Variants in DSCAM observed in about 807,000 individuals in gnomAD.
DSCAM encodes cell adhesion molecule DSCAM.
Under a neutral mutation model 217.7 loss-of-function variants are expected in DSCAM, and 47 were observed. The observed-to-expected ratio is 0.22, with a 90% CI of 0.17 to 0.28. DSCAM has a LOEUF of 0.28. Ranked by LOEUF, DSCAM falls within the 10% of genes least tolerant of loss-of-function variation. The pLI is 1.00. For synonymous variants in DSCAM, 1,056 were observed against 1,015.3 expected (o/e 1.04, Z -0.76); for missense variants, 2,080 against 2,618.3 (o/e 0.79, Z 4.49).
In DSCAM at chr21:40,124,272, C is replaced by T; in HGVS notation, c.3619G>A (p.Val1207Met). ...AAAASASMVF[V>M]SWLPPLKLNG... ...AGCTTGAGAGGGGGAAGCCAGGACA[C>T]AAAGACCATGGAGGCTGAGGCCGCC... Residue 1207 changes from valine (V) to methionine (M), a missense_variant, in exon 20 of 33, where the codon GTG becomes ATG. Transcript: ENST00000400454. The T allele has an allele frequency of 6.2e-7, 1 of 1,613,990 alleles. No homozygotes were observed. The highest frequency in any genetic ancestry group is 2.2e-5 in the East Asian group (1 of 44,794).
At chr21:40,239,523 G>C (rs1342107976) in intron 11 of DSCAM, among the ~76,000 whole-genome samples, 1 of 152,226 alleles carries the variant, frequency 6.6e-6, no homozygotes, top group Non-Finnish European at 1.5e-5. Flanking sequence ...TTTTATAAGA[G>C]AGGAAATAAA....
chr21:40,250,915 C>A (rs1002125508), intron 11 of DSCAM, among the ~76,000 whole-genome samples: 1 of 152,204 alleles, frequency 6.6e-6, no homozygotes, highest in African/African-American at 2.4e-5. Flanking sequence ...TCCTTCTTGG[C>A]GTCTTTCCCT....
At chr21:40,080,380 G>T (rs1163564561) in intron 24 of DSCAM, 40 bp from the exon 25 acceptor site, 4 of 1,489,788 alleles carry the variant, frequency 2.7e-6, no homozygotes, top group African/African-American at 2.8e-5. Flanking sequence ...CACTGTGTTT[G>T]CTTTCTATGG....
intron 1 of DSCAM, among the ~76,000 whole-genome samples, chr21:40,758,966 G>C (rs921554628): frequency 6.6e-6 from 1 of 152,116 alleles, no homozygotes; most frequent in South Asian, 2.1e-4. Flanking sequence ...CTTGTTAATA[G>C]ATCATCATAA....
intron 1 of DSCAM, among the ~76,000 whole-genome samples, chr21:40,811,256 C>A (rs755433271): frequency 2.0e-5 from 3 of 152,154 alleles, no homozygotes; most frequent in South Asian, 2.1e-4. Context: ...TACAAACAGA[C>A]TTTTCGAGGG....
At chr21:40,255,858 C>G (rs927343899) in intron 11 of DSCAM, among the ~76,000 whole-genome samples, 1 of 152,176 alleles carries the variant, frequency 6.6e-6, no homozygotes, top group African/African-American at 2.4e-5. Flanking sequence ...ATTCTGCCCA[C>G]AGTCAGAAAG....
At chr21:40,167,539 C>T (rs1192773116) in intron 15 of DSCAM, among the ~76,000 whole-genome samples, 1 of 152,194 alleles carries the variant, frequency 6.6e-6, no homozygotes, top group African/African-American at 2.4e-5. Flanking sequence ...ATGTCTTTGA[C>T]AACCTCGTGA....
At chr21:40,570,331 A>G (rs2146202257) in intron 3 of DSCAM, among the ~76,000 whole-genome samples, 1 of 152,292 alleles carries the variant, frequency 6.6e-6, no homozygotes, top group Admixed American at 6.5e-5. Flanking sequence ...CTAGCTCAGG[A>G]TCCTAACTCT....
intron 1 of DSCAM, among the ~76,000 whole-genome samples, chr21:40,745,296 A>G (rs1201968364): frequency 1.3e-5 from 2 of 152,192 alleles, no homozygotes; most frequent in African/African-American, 2.4e-5. Flanking sequence ...GTATCCAAGT[A>G]TAAAAAGCTC....
intron 1 of DSCAM, among the ~76,000 whole-genome samples, chr21:40,769,337 CAG>C (rs1346492284): frequency 6.6e-6 from 1 of 152,214 alleles, no homozygotes; most frequent in Admixed American, 6.5e-5. Context: ...GAGCTCTGGT[CAG>C]AGACCCACAG....
chr21:40,817,425 G>A (rs1289704818), intron 1 of DSCAM, among the ~76,000 whole-genome samples: 1 of 152,186 alleles, frequency 6.6e-6, no homozygotes, highest in Non-Finnish European at 1.5e-5. Context: ...TTATTAAAAT[G>A]TGCATGTCTG....
chr21:40,338,055 C>T (rs779491104), intron 8 of DSCAM, 46 bp downstream of exon 8: 8 of 1,595,206 alleles, frequency 5.0e-6, no homozygotes, highest in South Asian at 3.4e-5. Flanking sequence ...GGGAAGTAGT[C>T]GGGCTATGGA....
chr21:40,260,105 G>A (rs571919215), intron 11 of DSCAM, among the ~76,000 whole-genome samples: 3 of 152,252 alleles, frequency 2.0e-5, no homozygotes, highest in Non-Finnish European at 2.9e-5. Flanking sequence ...GATGATTAAA[G>A]TCACAGTTCC....
chr21:40,750,306 T>C (rs1402268572), intron 1 of DSCAM, among the ~76,000 whole-genome samples: 1 of 152,192 alleles, frequency 6.6e-6, no homozygotes, highest in Non-Finnish European at 1.5e-5. Context: ...CCACTGAACA[T>C]GCTCTTGCAG....
At chr21:40,427,343 C>G (rs1037820131) in intron 3 of DSCAM, among the ~76,000 whole-genome samples, 1 of 152,218 alleles carries the variant, frequency 6.6e-6, no homozygotes, top group African/African-American at 2.4e-5. Flanking sequence ...CCATGTGTCC[C>G]AGCTGACCAT....
chr21:40,078,773 G>A lies in DSCAM; in HGVS notation c.4625C>T (p.Thr1542Ile). The A allele has an allele frequency of 1.2e-6, 2 of 1,614,260 alleles. No homozygotes were observed. The highest frequency in any genetic ancestry group is 1.7e-6 in the Non-Finnish European group (2 of 1,180,050). Residue 1542 changes from threonine (T) to isoleucine (I), a missense_variant, in exon 26 of 33, where the codon ACC (threonine) becomes ATC (isoleucine). Thr to Ile is a moderately conservative substitution (Grantham distance 89, BLOSUM62 -1). Around this residue, in one of 5 missense-constraint regions of DSCAM, gnomAD observed 1,144 missense variants for 1,421.1 expected, o/e 0.81. Transcript: ENST00000400454. ...SYILYDLQEA[T>I]WYELQMRVCN... Reference sequence around the variant, plus strand: ...CACCCGCATCTGCAGCTCATACCAGGTGGCTTCCTGCAGGTCATACAGGAT... The same window carrying A: ...CACCCGCATCTGCAGCTCATACCAGATGGCTTCCTGCAGGTCATACAGGAT...
intron 16 of DSCAM, among the ~76,000 whole-genome samples, chr21:40,150,832 A>G (rs954757154): frequency 2.0e-5 from 3 of 152,220 alleles, no homozygotes; most frequent in African/African-American, 4.8e-5. Flanking sequence ...TGATCTTTAG[A>G]ACACTGTATT....
chr21:40,529,375 G>A (rs905703848), intron 3 of DSCAM, among the ~76,000 whole-genome samples: 18 of 152,172 alleles, frequency 1.2e-4, no homozygotes, highest in Non-Finnish European at 8.8e-5. Context: ...CTTAGTGGCC[G>A]TTAAATAGTT....
intron 30 of DSCAM, among the ~76,000 whole-genome samples, chr21:40,045,392 G>C (rs1383563191): frequency 6.6e-6 from 1 of 152,140 alleles, no homozygotes; most frequent in African/African-American, 2.4e-5. Flanking sequence ...ATTTAATATG[G>C]AGAACAAAGG....
Sources: allele counts gnomAD v4.1 joint callset (sites outside exome capture counted in the v4.1 genomes callset), GRCh38; gene constraint gnomAD v4.1.1; regional missense constraint gnomAD v4.1.1; transcripts MANE v1.5; gene names NCBI Gene and HGNC (gene_info 2026-07-23, HGNC 2026-07-21).